The following ZNF639 variants were observed in gnomAD, a reference collection of about 807,000 sequenced individuals.
ZNF639 encodes zinc finger amplified in esophageal squamous cell carcinomas 1.
In ZNF639, 20 loss-of-function variants were observed where a neutral mutation model predicts 39.8. The observed-to-expected ratio is 0.50, with a 90% CI of 0.35 to 0.73. The LOEUF is 0.73. Ranked by LOEUF, ZNF639 falls within the 30% of genes least tolerant of loss-of-function variation. The probability of loss-of-function intolerance (pLI) is 0.00; values close to 1 mark genes in which losing one functional copy is unlikely to be tolerated. For missense variants in ZNF639, 477 were observed against 566.2 expected, an observed-to-expected ratio of 0.84 and a Z score of 1.60; for synonymous variants, 176 against 189.8, an observed-to-expected ratio of 0.93 and a Z score of 0.60.
At chr3:179,323,889 T>A (rs915865396) in intron 1 of ZNF639, 3 of 152,266 alleles carry the variant, frequency 2.0e-5, no homozygotes, top group African/African-American at 7.2e-5. Flanking sequence ...AAGTACTGTC[T>A]AGGGAAACGA....
At chr3:179,324,762 C>T (rs1016862381) in intron 1 of ZNF639, among the ~76,000 whole-genome samples, 3 of 152,154 alleles carry the variant, frequency 2.0e-5, no homozygotes, top group African/African-American at 7.2e-5. Flanking sequence ...GTTTCCTTTT[C>T]TTACTTTTAT....
chr3:179,323,838 T>C (rs1201975673), intron 1 of ZNF639: 3 of 141,422 alleles, frequency 2.1e-5, no homozygotes, highest in Non-Finnish European at 4.4e-5. Flanking sequence ...GCCTCACTCG[T>C]GTGACGGTGC....
At position 179,338,475 on chromosome 3, in the gene ZNF639, A is replaced by G. The variant is rs1344349914; in HGVS notation, c.*4053A>G. 2 of 152,048 alleles carry G rather than the reference A, an allele frequency of 1.3e-5. No homozygotes were observed. Among genetic ancestry groups the G allele is most frequent in the African/African-American group, 2.4e-5 (1 of 41,406 alleles). 9.4% of individuals were successfully genotyped at this position (152,048 alleles called of 1,614,324 possible). A position where few individuals can be genotyped will look rare whatever the true frequency, so the allele number is the denominator to read the frequency against. On this transcript the variant is annotated 3_prime_UTR_variant, in exon 6 of 6. Coordinates refer to ENST00000496856, the MANE Select transcript of ZNF639 (RefSeq NM_001303426.2). ...CTTACGTTTCTCTGAATTGTATATT[A>G]TTTGTCAATTTCACAGTTTCTATAA...
In ZNF639 at chr3:179,324,647, G is replaced by A. The variant is rs369613622; in HGVS notation, c.-83+1356G>A. Among the ~76,000 whole-genome samples, 9 of 152,260 alleles carry A rather than the reference G, an allele frequency of 5.9e-5. 2 individuals carry two copies. Among genetic ancestry groups the A allele is most frequent in the South Asian group, 2.1e-4 (1 of 4,824 alleles). On this transcript the variant is annotated intron_variant, in intron 1 of 5. Coordinates refer to ENST00000496856, the MANE Select transcript of ZNF639 (RefSeq NM_001303426.2). ...TCCGATAGACATTTGGTTATCGTTCGGCCCTAAGTAGGAGTCAGACCCTTC... is the reference window on the plus strand; with the variant it reads ...TCCGATAGACATTTGGTTATCGTTCAGCCCTAAGTAGGAGTCAGACCCTTC...
chr3:179,331,659 C>T (rs1727916790), intron 4 of ZNF639, among the ~76,000 whole-genome samples: 1 of 151,514 alleles, frequency 6.6e-6, no homozygotes, highest in Non-Finnish European at 1.5e-5. Context: ...CCTGTAATCC[C>T]AGCTACTCGG....
chr3:179,332,482 G>A (rs1444947463), intron 4 of ZNF639, among the ~76,000 whole-genome samples: 3 of 152,178 alleles, frequency 2.0e-5, no homozygotes, highest in Non-Finnish European at 4.4e-5. Flanking sequence ...CCCGGGCTTG[G>A]TGGTGCATGT....
intron 3 of ZNF639, 73 bp downstream of exon 3, chr3:179,328,424 TA>T: frequency 9.1e-7 from 1 of 1,096,122 alleles, no homozygotes. Context: ...CATTTTCTCC[TA>T]AGTGATCAGA....
In ZNF639 at chr3:179,337,354, T is replaced by TC. The variant is rs1167852797; in HGVS notation, c.*2932_*2933insC. The TC allele has an allele frequency of 6.6e-6, 1 of 151,976 alleles. No individual in the cohort carries two copies. Among genetic ancestry groups the TC allele is most frequent in the Non-Finnish European group, 1.5e-5 (1 of 68,004 alleles). 9.4% of individuals were successfully genotyped at this position (151,976 alleles called of 1,614,324 possible). On this transcript the variant is annotated 3_prime_UTR_variant, in exon 6 of 6. Coordinates refer to ENST00000496856, the MANE Select transcript of ZNF639 (RefSeq NM_001303426.2). ...CCATATAATTTTGTACTTTTTTTTTTTTCAGACAGTCTTGCTCTGTTGCCC... is the reference window on the plus strand; with the variant it reads ...CCATATAATTTTGTACTTTTTTTTTTCTTCAGACAGTCTTGCTCTGTTGCCC...
At chr3:179,331,361 C>T (rs370303347) in intron 4 of ZNF639, among the ~76,000 whole-genome samples, 1 of 152,162 alleles carries the variant, frequency 6.6e-6, no homozygotes, top group Non-Finnish European at 1.5e-5. Context: ...GGCCAAGAAG[C>T]AGTAAAACTC....
chr3:179,326,814 C>T (rs959291985), intron 1 of ZNF639, among the ~76,000 whole-genome samples: 2 of 151,474 alleles, frequency 1.3e-5, no homozygotes, highest in Admixed American at 1.3e-4. Context: ...TTAGCAGAGA[C>T]GGGATTTCAC....
At chr3:179,332,935 A>G (rs1426105550) in intron 4 of ZNF639, 54 bp from the exon 5 acceptor site, 4 of 1,489,638 alleles carry the variant, frequency 2.7e-6, no homozygotes, top group Non-Finnish European at 3.6e-6. Flanking sequence ...TTGTTCTATA[A>G]TTAATGCTTT....
rs183207938 is a variant in ZNF639 at position 179,324,350 on chromosome 3, T to A, written c.-83+1059T>A. Reference sequence around the variant, plus strand: ...GTTGGTTTCTAGGTGATATAAAAAATTTTTAAACATTTTTCTGATTTTTCT... The same window carrying A: ...GTTGGTTTCTAGGTGATATAAAAAAATTTTAAACATTTTTCTGATTTTTCT... On this transcript the variant is annotated intron_variant, in intron 1 of 5. Transcript: ENST00000496856. 1.1e-4 allele frequency among the ~76,000 whole-genome samples: 16 copies of A among 152,298 alleles called. No homozygotes were observed. In the East Asian group the frequency reaches 2.9e-3, roughly 28 times the overall value.
rs971346813 is a variant in ZNF639, at chr3:179,323,110, G to C, written c.-264G>C. The stretch of plus-strand genomic sequence containing the variant: ...CCTAGGCCAGGGGCCTGGCGCTCAG[G>C]GCGTGGGGCGCGCGGGGAGGGAGAG... On this transcript the variant is annotated 5_prime_UTR_variant, in exon 1 of 6. Coordinates refer to ENST00000496856, the MANE Select transcript of ZNF639 (RefSeq NM_001303426.2). The C allele has an allele frequency of 1.0e-6, 1 of 984,754 alleles. No individual in the cohort carries two copies. The highest frequency in any genetic ancestry group is 1.2e-6 in the Non-Finnish European group (1 of 829,894). The allele number at this position is 984,754 out of a possible 1,614,324, so 61.0% of individuals were successfully genotyped here. A position where few individuals can be genotyped will look rare whatever the true frequency, so the allele number is the denominator to read the frequency against.
chr3:179,328,356 G>A lies in ZNF639; in HGVS notation c.58+5G>A. ...TACACCCTTCTCGTTATTCAGGTCA[G>A]TGTATAATTATTTTAAAGTTGGGTA... On this transcript the variant is annotated splice_donor_5th_base_variant and intron_variant, in intron 3 of 5. Transcript: ENST00000496856. 1.3e-6 allele frequency: 2 copies of A among 1,567,282 alleles called. No individual in the cohort carries two copies. The highest frequency in any genetic ancestry group is 2.4e-5 in the South Asian group (2 of 84,778).
chr3:179,326,253 C>T (rs1727586043), intron 1 of ZNF639, among the ~76,000 whole-genome samples: 1 of 151,978 alleles, frequency 6.6e-6, no homozygotes, highest in Non-Finnish European at 1.5e-5. Flanking sequence ...CCCGGCCACT[C>T]AGGAGGCTGA....
chr3:179,335,133 T>A lies in ZNF639; in HGVS notation c.*711T>A, dbSNP rs1728147666. On this transcript the variant is annotated 3_prime_UTR_variant, in exon 6 of 6. Coordinates refer to ENST00000496856, the MANE Select transcript of ZNF639 (RefSeq NM_001303426.2). ...TTTCTTAGAGATGGTCTCGTTCTGT[T>A]GTCCAGGATGGAGTGCAGTGGTTGA... is the stretch of plus-strand genomic sequence containing the variant. 1 of 152,250 alleles carries A rather than the reference T, an allele frequency of 6.6e-6. No individual in the cohort carries two copies. The highest frequency in any genetic ancestry group is 2.4e-5 in the African/African-American group (1 of 41,468). The allele number at this position is 152,250 out of a possible 1,614,324, so 9.4% of individuals were successfully genotyped here.
chr3:179,334,503 A>T lies in ZNF639; in HGVS notation c.*81A>T, dbSNP rs1332489720. ...TGGAGATGATTAAATGGATGATTGT[A>T]AACACAACTTATGAAATCTGCCTTT... On this transcript the variant is annotated 3_prime_UTR_variant, in exon 6 of 6. Transcript: ENST00000496856. 1 of 1,112,052 alleles carries T rather than the reference A, an allele frequency of 9.0e-7. No individual in the cohort carries two copies. The highest frequency in any genetic ancestry group is 1.2e-6 in the Non-Finnish European group (1 of 820,098). 68.9% of individuals were successfully genotyped at this position (1,112,052 alleles called of 1,614,324 possible).
chr3:179,331,977 A>T (rs1452758622), intron 4 of ZNF639, among the ~76,000 whole-genome samples: 2 of 152,108 alleles, frequency 1.3e-5, no homozygotes, highest in Non-Finnish European at 2.9e-5. Flanking sequence ...AAAAAAAGAA[A>T]GCAGACAAAT....
intron 4 of ZNF639, among the ~76,000 whole-genome samples, chr3:179,330,956 A>G (rs1727872868): frequency 6.6e-6 from 1 of 152,214 alleles, no homozygotes; most frequent in African/African-American, 2.4e-5. Context: ...GTTAGCTGAG[A>G]GGGGCTAAAA....
Sources: gnomAD v4.1 joint callset for allele counts (sites outside exome capture counted in the v4.1 genomes callset) on GRCh38, gnomAD v4.1.1 for gene constraint, MANE v1.5 for transcripts, NCBI Gene and HGNC (gene_info 2026-07-23, HGNC 2026-07-21) for gene names.